ACACB: variants seen among roughly 807,000 people sequenced by gnomAD.
The protein encoded by ACACB is acetyl-CoA carboxylase 2.
A neutral mutation model predicts 278.8 loss-of-function variants in ACACB; 209 were observed. The observed-to-expected ratio is 0.75, with a 90% CI of 0.67 to 0.84. The LOEUF (loss-of-function observed/expected upper bound fraction) is 0.84. ACACB is among the 40% of genes least tolerant of loss of function. ACACB has a pLI of 0.00. For missense variants in ACACB, 2,850 were observed against 3,269.0 expected, an observed-to-expected ratio of 0.87 and a Z score of 3.13; for synonymous variants, 1,174 against 1,285.6, an observed-to-expected ratio of 0.91 and a Z score of 1.86.
chr12:109,224,565 G>T (rs935627959), intron 27 of ACACB, among the ~76,000 whole-genome samples: 1 of 149,868 alleles, frequency 6.7e-6, no homozygotes. Flanking sequence ...TTTGAGACTC[G>T]CTTGTGCCTA....
Position 109,250,050 on chromosome 12 carries a change from C to T in ACACB, c.5736C>T (p.Gly1912=). Residue 1912 remains glycine (G), a synonymous_variant, in exon 41 of 53, where the codon GGC becomes GGT. Coordinates refer to ENST00000338432, the MANE Select transcript of ACACB (RefSeq NM_001093.4). ...GCGTGGAGAATCTGAGGGGCTCAGG[C>T]ATGATTGCTGGGGAGTCCTCTCTGG... ...GLGVENLRGS[G]MIAGESSLAY... 6.2e-7 allele frequency: 1 copy of T among 1,613,616 alleles called. No individual in the cohort carries two copies. The highest frequency in any genetic ancestry group is 8.5e-7 in the Non-Finnish European group (1 of 1,179,788).
intron 44 of ACACB, among the ~76,000 whole-genome samples, chr12:109,254,921 C>T (rs1364341786): frequency 6.6e-6 from 1 of 151,986 alleles, no homozygotes; most frequent in African/African-American, 2.4e-5. Context: ...ATTACAGGTG[C>T]CTGCCACCAC....
chr12:109,173,544 T>A (rs1414707036), intron 6 of ACACB, among the ~76,000 whole-genome samples: 1 of 152,208 alleles, frequency 6.6e-6, no homozygotes, highest in African/African-American at 2.4e-5. Context: ...ACTCTCATTA[T>A]CAGTCTTAAT....
In ACACB at chr12:109,212,940, A is replaced by C; in HGVS notation, c.3350+4A>C. ...GCATCGTGCAGTTGGTCCAGAGGTG[A>C]ATCCTGGGTCTCCCCGTAGGATGTG... On this transcript the variant is annotated splice_donor_region_variant and intron_variant, in intron 22 of 52. Coordinates refer to ENST00000338432, the MANE Select transcript of ACACB (RefSeq NM_001093.4). The C allele has an allele frequency of 6.2e-7, 1 of 1,612,966 alleles. No homozygotes were observed. The highest frequency in any genetic ancestry group is 8.5e-7 in the Non-Finnish European group (1 of 1,178,964).
chr12:109,124,575 C>T (rs2042631767), intron 1 of ACACB, among the ~76,000 whole-genome samples: 1 of 152,232 alleles, frequency 6.6e-6, no homozygotes, highest in South Asian at 2.1e-4. Context: ...CCCTATCACC[C>T]TCTTGCCGAA....
rs573886862 is a variant in ACACB, at chr12:109,141,381, TTGA to T, written c.653+1326_653+1328del. On this transcript the variant is annotated intron_variant, in intron 2 of 52. Transcript: ENST00000338432. Reference sequence around the variant, plus strand: ...GCGGCTGCAGTCAGTGGCTTTGTTGTTGATGTTGTTGTTATCCACCTTCTCCTC... The same window carrying T: ...GCGGCTGCAGTCAGTGGCTTTGTTGTTGTTGTTGTTATCCACCTTCTCCTC... 1.5e-4 allele frequency among the ~76,000 whole-genome samples: 23 copies of T among 152,342 alleles called. No individual in the cohort carries two copies. In the South Asian group the frequency reaches 4.8e-3, roughly 32 times the overall value.
chr12:109,172,286 T>G lies in ACACB; in HGVS notation c.1047T>G (p.Ala349=). ...AKRIPVQAVW[A]GWGHASENPK... ...TTCTGTGTTTGCAGGCGGTGTGGGC[T>G]GGCTGGGGCCATGCTTCAGAAAACC... Residue 349 remains alanine (A), a synonymous_variant, in exon 6 of 53, where the codon GCT becomes GCG. Coordinates refer to ENST00000338432, the MANE Select transcript of ACACB (RefSeq NM_001093.4). The G allele has an allele frequency of 6.2e-7, 1 of 1,613,942 alleles. No individual in the cohort carries two copies. Among genetic ancestry groups the G allele is most frequent in the Middle Eastern group, 1.7e-4 (1 of 5,884 alleles).
At chr12:109,238,450 A>AT (rs2046700464) in intron 34 of ACACB, among the ~76,000 whole-genome samples, 1 of 115,054 alleles carries the variant, frequency 8.7e-6, no homozygotes, top group Non-Finnish European at 1.8e-5. Context: ...TATAACATAT[A>AT]ATATACATAA....
chr12:109,130,800 C>A (rs756723907), intron 1 of ACACB, among the ~76,000 whole-genome samples: 8 of 152,110 alleles, frequency 5.3e-5, no homozygotes, highest in Non-Finnish European at 1.0e-4. Flanking sequence ...CCCTGACCAC[C>A]CCCTCTTTGT....
chr12:109,254,756 A>G (rs1441846123), intron 44 of ACACB, among the ~76,000 whole-genome samples: 2 of 150,662 alleles, frequency 1.3e-5, no homozygotes, highest in African/African-American at 4.9e-5. Context: ...GAGTTTACAC[A>G]GGATAGGCAA....
At chr12:109,219,206 G>T (rs2046092896) in intron 24 of ACACB, among the ~76,000 whole-genome samples, 2 of 152,090 alleles carry the variant, frequency 1.3e-5, no homozygotes, top group African/African-American at 2.4e-5. Context: ...GAATGAGGGT[G>T]GCTATGTTCC....
At chr12:109,113,931 G>A (rs1164266817), upstream of ACACB, among the ~76,000 whole-genome samples, 5 of 152,186 alleles carry the variant, frequency 3.3e-5, no homozygotes, top group Admixed American at 2.6e-4. Flanking sequence ...ACTGTAATTT[G>A]GGTCTGACAA....
chr12:109,218,102 C>T (rs1226372955), intron 24 of ACACB, among the ~76,000 whole-genome samples: 7 of 152,178 alleles, frequency 4.6e-5, no homozygotes, highest in South Asian at 2.1e-4. Context: ...AACTATTAGC[C>T]GCAGGATATT....
At chr12:109,256,108 T>C in intron 44 of ACACB, 32 bp from the exon 45 acceptor site, 4 of 1,598,714 alleles carry the variant, frequency 2.5e-6, no homozygotes, top group Non-Finnish European at 3.4e-6. Flanking sequence ...CACCTGGCCC[T>C]CCAGCCTGGG....
chr12:109,174,078 G>A (rs1191548045), intron 6 of ACACB, 54 bp from the exon 7 acceptor site: 32 of 1,503,616 alleles, frequency 2.1e-5, no homozygotes, highest in East Asian at 7.2e-5. Context: ...CTTCAGCCTC[G>A]AGGGTCTTGT....
At chr12:109,125,020 T>A (rs901302545) in intron 1 of ACACB, among the ~76,000 whole-genome samples, 1 of 152,114 alleles carries the variant, frequency 6.6e-6, no homozygotes, top group Non-Finnish European at 1.5e-5. Context: ...GGCCCAACTC[T>A]CATTGTTCTC....
At chr12:109,250,147 A>G (rs769229283) in intron 41 of ACACB, 43 bp downstream of exon 41, 8 of 1,531,286 alleles carry the variant, frequency 5.2e-6, no homozygotes, top group Non-Finnish European at 7.0e-6. Flanking sequence ...ACTTTCCATT[A>G]TAGAAACTTT....
In ACACB at chr12:109,233,799, C is replaced by A; in HGVS notation, c.4191C>A (p.Pro1397=). ...SCFANVPKDT[P]LFSEARTSLY... ...TCGCCAACGTGCCCAAAGACACCCC[C>A]CTCTTCAGCGAGGCCCGCACCTCCC... The change falls in exon 30 of 53, where the codon CCC becomes CCA. Residue 1397 remains proline, a synonymous_variant. Transcript: ENST00000338432. 2 of 1,614,214 alleles carry A rather than the reference C, an allele frequency of 1.2e-6. No homozygotes were observed. The highest frequency in any genetic ancestry group is 1.7e-6 in the Non-Finnish European group (2 of 1,180,044).
chr12:109,185,219 T>A (rs2044612384), intron 11 of ACACB, among the ~76,000 whole-genome samples: 1 of 152,204 alleles, frequency 6.6e-6, no homozygotes, highest in Non-Finnish European at 1.5e-5. Flanking sequence ...CCCCTTCGGG[T>A]GCCCTTTACA....
Sources: allele counts gnomAD v4.1 joint callset (sites outside exome capture counted in the v4.1 genomes callset), GRCh38; gene constraint gnomAD v4.1.1; transcripts MANE v1.5; gene names NCBI Gene and HGNC (gene_info 2026-07-23, HGNC 2026-07-21).